Variants in PIEZO1 observed in about 807,000 individuals in gnomAD.
The protein encoded by PIEZO1 is piezo type mechanosensitive ion channel component 1 (Er blood group).
PIEZO1 carries 296 observed loss-of-function variants against 297.2 expected under a neutral mutation model. That is an observed-to-expected ratio of 1.00 (90% CI 0.91 to 1.10). PIEZO1 has a LOEUF of 1.10. Ranked by LOEUF, PIEZO1 falls within the 50% of genes least tolerant of loss-of-function variation. The probability of loss-of-function intolerance (pLI) is 0.00; values close to 1 mark genes in which losing one functional copy is unlikely to be tolerated. For missense variants in PIEZO1, 5,018 were observed against 3,455.5 expected, an observed-to-expected ratio of 1.45 and a Z score of -11.34; for synonymous variants, 2,427 against 1,507.5, an observed-to-expected ratio of 1.61 and a Z score of -14.13.
rs971053070 is a variant in PIEZO1, at chr16:88,720,436, C to T, written c.5898G>A (p.Leu1966=). The change falls in exon 41 of 51, where the codon CTG becomes CTA. Residue 1966 remains leucine (L), a synonymous_variant. Transcript: ENST00000301015. Reference sequence around the variant, plus strand: ...TGATGATGAAGTCGACAACATCAGCCAGGAACATGAGGGCATAGACGTCGG... The same window carrying T: ...TGATGATGAAGTCGACAACATCAGCTAGGAACATGAGGGCATAGACGTCGG... The part of the protein sequence containing the change: ...AATDVYALMF[L]ADVVDFIIII... 2 of 1,550,346 alleles carry T rather than the reference C, an allele frequency of 1.3e-6. No homozygotes were observed. The highest frequency in any genetic ancestry group is 1.4e-5 in the African/African-American group (1 of 73,008).
intron 1 of PIEZO1, among the ~76,000 whole-genome samples, chr16:88,769,593 G>A (rs968942517): frequency 6.6e-6 from 1 of 152,196 alleles, no homozygotes; most frequent in Non-Finnish European, 1.5e-5. Context: ...CCTCACATCG[G>A]CCGGCTCCAT....
At chr16:88,762,218 G>A (rs986251503) in intron 1 of PIEZO1, among the ~76,000 whole-genome samples, 1 of 151,878 alleles carries the variant, frequency 6.6e-6, no homozygotes, top group Non-Finnish European at 1.5e-5. Context: ...CCCACCCAGA[G>A]CTCAGGGGTC....
rs759877212 is a variant in PIEZO1 at position 88,731,908 on chromosome 16, G to C, written c.2994C>G (p.Ile998Met). 1.2e-5 allele frequency: 12 copies of C among 960,360 alleles called. No individual in the cohort carries two copies. In the South Asian group the frequency reaches 1.8e-4, roughly 14 times the overall value. 59.5% of individuals were successfully genotyped at this position (960,360 alleles called of 1,614,324 possible). A position where few individuals can be genotyped will look rare whatever the true frequency, so the allele number is the denominator to read the frequency against. ...TCACGTTCACGGCCATCAGGAAGCAGATCTGGGGAGGGGAGAGGGCGGGGT... is the reference window on the plus strand; with the variant it reads ...TCACGTTCACGGCCATCAGGAAGCACATCTGGGGAGGGGAGAGGGCGGGGT... ...NFFFYKFGLE[I>M]CFLMAVNVIG... is the part of the protein sequence containing the mutation. Residue 998 changes from isoleucine (I) to methionine (M), a missense_variant and splice_region_variant, in exon 22 of 51, where the codon ATC becomes ATG. Coordinates refer to ENST00000301015, the MANE Select transcript of PIEZO1 (RefSeq NM_001142864.4).
At chr16:88,750,135 G>A (rs1439635329) in intron 1 of PIEZO1, among the ~76,000 whole-genome samples, 4 of 151,814 alleles carry the variant, frequency 2.6e-5, no homozygotes, top group Admixed American at 2.6e-4. Context: ...AGGAGTTCAA[G>A]ACCAGCCTGG....
intron 31 of PIEZO1, 29 bp from the exon 32 acceptor site, chr16:88,723,357 G>C: frequency 6.5e-7 from 1 of 1,535,506 alleles, no homozygotes; most frequent in Non-Finnish European, 8.7e-7. Context: ...GTTAGGACCC[G>C]GCCTCCCGAG....
chr16:88,741,419 G>C (rs549470894), intron 5 of PIEZO1, 59 bp downstream of exon 5: 1 of 1,397,884 alleles, frequency 7.2e-7, no homozygotes, highest in South Asian at 1.3e-5. Context: ...CCTCAAAATG[G>C]CTGAGACCAC....
Position 88,733,321 on chromosome 16 carries a change from A to G in PIEZO1, c.2621T>C (p.Leu874Pro). ...VIIVCKMLYQ[L>P]KVVNPQEYSS... ...ATACTCCTGGGGGTTGACAACCTTG[A>G]GCTGGTACAGCATCTTACACACGAT... Residue 874 changes from leucine to proline, a missense_variant, in exon 19 of 51, where the codon CTC (leucine) becomes CCC (proline). Transcript: ENST00000301015. The G allele has an allele frequency of 6.5e-7, 1 of 1,549,734 alleles. No homozygotes were observed. Among genetic ancestry groups the G allele is most frequent in the East Asian group, 2.4e-5 (1 of 40,886 alleles).
intron 1 of PIEZO1, among the ~76,000 whole-genome samples, chr16:88,778,968 C>T (rs1260709541): frequency 2.6e-5 from 4 of 151,562 alleles, no homozygotes; most frequent in Admixed American, 1.3e-4. Flanking sequence ...AGAGGCTTCC[C>T]GCTGGGAACA....
chr16:88,743,490 G>C (rs747755884), intron 2 of PIEZO1: 1 of 453,154 alleles, frequency 2.2e-6, no homozygotes, highest in African/African-American at 2.0e-5. Flanking sequence ...CTCAGGGACA[G>C]GTAGCATCTG....
In PIEZO1 at chr16:88,734,035, T is replaced by A; in HGVS notation, c.2200A>T (p.Thr734Ser). The change falls in exon 17 of 51, where the codon ACC becomes TCC. Residue 734 changes from threonine to serine, a missense_variant. By Grantham distance (58) the Thr-to-Ser change is moderately conservative. Coordinates refer to ENST00000301015, the MANE Select transcript of PIEZO1 (RefSeq NM_001142864.4). ...TGCTGCTCCTCCCGCAGCAGTGGGG[T>A]CCCACTCACTGCATCCTGCCTGGGA... ...WAHRQDAVSG[T>S]PLLREEQQEH... is the part of the protein sequence containing the mutation. The A allele has an allele frequency of 6.5e-7, 1 of 1,533,674 alleles. No individual in the cohort carries two copies. Among genetic ancestry groups the A allele is most frequent in the Non-Finnish European group, 8.8e-7 (1 of 1,137,010 alleles).
At chr16:88,761,694 C>G (rs1177801076) in intron 1 of PIEZO1, among the ~76,000 whole-genome samples, 2 of 152,122 alleles carry the variant, frequency 1.3e-5, no homozygotes, top group African/African-American at 4.8e-5. Flanking sequence ...GAGACATCCC[C>G]CACATCGGGG....
At chr16:88,720,319 G>T in intron 41 of PIEZO1, 36 bp from the exon 42 acceptor site, 1 of 1,549,874 alleles carries the variant, frequency 6.5e-7, no homozygotes, top group Non-Finnish European at 8.7e-7. Context: ...GGGGAGCCAA[G>T]CCCAGGGGAT....
chr16:88,731,649 C>T lies in PIEZO1; in HGVS notation c.3196+57G>A. On this transcript the variant is annotated intron_variant, in intron 22 of 50. Transcript: ENST00000301015. ...AGTCTGGGGCAGGCGGGAAACACCCCCACGGGCATCCACAAAGCCACAAAG... is the reference window on the plus strand; with the variant it reads ...AGTCTGGGGCAGGCGGGAAACACCCTCACGGGCATCCACAAAGCCACAAAG... 4 of 1,391,234 alleles carry T rather than the reference C, an allele frequency of 2.9e-6. 1 individual carries two copies. The South Asian group carries it at 3.8e-5, about 13-fold the overall frequency. 86.2% of individuals were successfully genotyped at this position (1,391,234 alleles called of 1,614,324 possible). A position where few individuals can be genotyped will look rare whatever the true frequency, so the allele number is the denominator to read the frequency against.
At chr16:88,739,202 CTCTGCCTGGAAGATAGGGGTGGT>C (rs1259589755) in intron 5 of PIEZO1, 1 of 159,848 alleles carries the variant, frequency 6.3e-6, no homozygotes, top group Non-Finnish European at 1.4e-5. Context: ...TTCTGGGTGG[CTCTGCCTGGAAGATAGGGGTGGT>C]ACTCCTGCCC....
intron 10 of PIEZO1, chr16:88,737,194 G>A (rs963311730): frequency 6.3e-5 from 17 of 271,388 alleles, no homozygotes; most frequent in East Asian, 2.0e-4. Flanking sequence ...CTGGACGAGC[G>A]GCCTCCTGGG....
intron 1 of PIEZO1, among the ~76,000 whole-genome samples, chr16:88,755,640 G>A (rs1184774784): frequency 6.6e-6 from 1 of 152,176 alleles, no homozygotes; most frequent in East Asian, 1.9e-4. Context: ...TTTATTTCCC[G>A]GCTCCTTCAG....
intron 44 of PIEZO1, 27 bp from the exon 45 acceptor site, chr16:88,717,238 G>T: frequency 1.3e-6 from 2 of 1,534,430 alleles, no homozygotes; most frequent in Non-Finnish European, 1.8e-6. Context: ...CAGGTCATAC[G>T]CTCAGCTCTG....
rs1191976425 is a variant in PIEZO1 at position 88,734,450 on chromosome 16, G to C, written c.2086C>G (p.Leu696Val). Residue 696 changes from leucine (L) to valine (V), a missense_variant, in exon 16 of 51, where the codon CTG becomes GTG. Physicochemically the swap from Leu to Val is conservative, Grantham distance 32. Coordinates refer to ENST00000301015, the MANE Select transcript of PIEZO1 (RefSeq NM_001142864.4). ...GGCCTGTGGAAGTAGTGCAGCTGCA[G>C]GATGCAGGCCAGGAGGAAGAAGCCG... ...VPGFFLLACI[L>V]QLHYFHRPFM... The C allele has an allele frequency of 1.9e-5, 30 of 1,549,944 alleles. No individual in the cohort carries two copies. Among genetic ancestry groups the C allele is most frequent in the Non-Finnish European group, 1.6e-5 (18 of 1,146,764 alleles).
Position 88,727,139 on chromosome 16 carries a change from C to A in PIEZO1, c.3355G>T (p.Glu1119Ter). The change falls in exon 24 of 51, where the codon GAG (glutamate) becomes TAG (stop). Residue 1119 changes from glutamate (E) to a stop codon, truncating the protein, a stop_gained. Coordinates refer to ENST00000301015, the MANE Select transcript of PIEZO1 (RefSeq NM_001142864.4). LOFTEE classifies it high-confidence loss of function. ...ATGCGCTGCCACTCCTCTGTGCGCT[C>A]AGCTGAGAACACCTGCCACTGCTGG... The part of the protein sequence containing the change: ...ASQQWQVFSA[E>*]RTEEWQRMAG... 6.5e-7 allele frequency: 1 copy of A among 1,549,544 alleles called. No individual in the cohort carries two copies. Among genetic ancestry groups the A allele is most frequent in the Non-Finnish European group, 8.7e-7 (1 of 1,146,414 alleles).
Sources: gnomAD v4.1 joint callset for allele counts (sites outside exome capture counted in the v4.1 genomes callset) on GRCh38, gnomAD v4.1.1 for gene constraint, MANE v1.5 for transcripts, NCBI Gene and HGNC (gene_info 2026-07-23, HGNC 2026-07-21) for gene names.